Variants in PXDNL observed in about 807,000 individuals in gnomAD.
The protein encoded by PXDNL is peroxidasin like.
A neutral mutation model predicts 150.8 loss-of-function variants in PXDNL; 145 were observed. The ratio of observed to expected loss-of-function variants is 0.96; its 90% CI spans 0.84 to 1.10. PXDNL has a LOEUF of 1.10. PXDNL is among the 50% of genes least tolerant of loss of function. The probability of loss-of-function intolerance (pLI) is 0.00; values close to 1 mark genes in which losing one functional copy is unlikely to be tolerated. For synonymous variants in PXDNL, 757 were observed against 725.7 expected, an observed-to-expected ratio of 1.04 and a Z score of -0.69; for missense variants, 2,087 against 1,873.9, an observed-to-expected ratio of 1.11 and a Z score of -2.10.
At chr8:51,329,909 C>G (rs1026253703) in intron 21 of PXDNL, among the ~76,000 whole-genome samples, 2 of 152,054 alleles carry the variant, frequency 1.3e-5, no homozygotes, top group Admixed American at 6.6e-5. Context: ...GCTGGAGACC[C>G]AGGAATGTCA....
intron 8 of PXDNL, among the ~76,000 whole-genome samples, chr8:51,467,286 GAAC>G (rs1329329530): frequency 2.0e-5 from 3 of 152,024 alleles, no homozygotes; most frequent in African/African-American, 7.2e-5. Flanking sequence ...ACTAATGCAG[GAAC>G]AACAACGACA....
chr8:51,787,864 G>C (rs2037475009), intron 1 of PXDNL, among the ~76,000 whole-genome samples: 1 of 152,282 alleles, frequency 6.6e-6, no homozygotes, highest in South Asian at 2.1e-4. Context: ...CATTAATGCA[G>C]GAAACTTCCT....
chr8:51,445,773 T>G (rs551736805), intron 12 of PXDNL, among the ~76,000 whole-genome samples: 42 of 152,336 alleles, frequency 2.8e-4, no homozygotes, highest in African/African-American at 9.9e-4. Flanking sequence ...CACCTAATTT[T>G]TGGATTTTAG....
chr8:51,550,741 C>T (rs951646416), intron 4 of PXDNL, among the ~76,000 whole-genome samples: 4 of 151,598 alleles, frequency 2.6e-5, no homozygotes, highest in Admixed American at 6.6e-5. Flanking sequence ...AAAGCACTAC[C>T]CCTGAGAACT....
intron 17 of PXDNL, among the ~76,000 whole-genome samples, chr8:51,375,900 C>T (rs1052930822): frequency 1.3e-5 from 2 of 152,194 alleles, no homozygotes; most frequent in African/African-American, 4.8e-5. Context: ...AACATATAAA[C>T]AAACAGACAT....
At chr8:51,414,766 TTC>T (rs1448472121) in intron 14 of PXDNL, among the ~76,000 whole-genome samples, 1 of 152,174 alleles carries the variant, frequency 6.6e-6, no homozygotes, top group Non-Finnish European at 1.5e-5. Flanking sequence ...AGAAATGATA[TTC>T]TGTTTCATAC....
intron 19 of PXDNL, among the ~76,000 whole-genome samples, chr8:51,350,362 T>TTTTTTTTTTTTTTC: frequency 7.0e-6 from 1 of 142,224 alleles, no homozygotes; most frequent in Non-Finnish European, 1.5e-5. Context: ...TTCTTTTTTT[T>TTTTTTTTTTTTTTC]TTTTTTTTTT....
intron 4 of PXDNL, among the ~76,000 whole-genome samples, chr8:51,519,232 C>A (rs1811606694): frequency 6.6e-6 from 1 of 152,028 alleles, no homozygotes; most frequent in Admixed American, 6.5e-5. Flanking sequence ...TATCTAAGTA[C>A]AAGAGTGATC....
chr8:51,763,304 C>T (rs1490023288), intron 1 of PXDNL, among the ~76,000 whole-genome samples: 1 of 149,372 alleles, frequency 6.7e-6, no homozygotes, highest in Non-Finnish European at 1.5e-5. Flanking sequence ...CACATGTACC[C>T]TAGAACTTAA....
intron 8 of PXDNL, among the ~76,000 whole-genome samples, chr8:51,469,426 T>C (rs980024644): frequency 3.3e-5 from 5 of 152,230 alleles, no homozygotes; most frequent in Admixed American, 2.6e-4. Context: ...GCTCATTCTT[T>C]CCTACCTGTC....
intron 16 of PXDNL, 24 bp downstream of exon 16, chr8:51,411,226 G>C (rs766772968): frequency 1.4e-6 from 2 of 1,415,440 alleles, no homozygotes. Flanking sequence ...AGTAGGCTGA[G>C]AATAAAATGG....
At chr8:51,718,353 G>T (rs1456356749) in intron 1 of PXDNL, among the ~76,000 whole-genome samples, 1 of 152,188 alleles carries the variant, frequency 6.6e-6, no homozygotes. Flanking sequence ...ACCCTTTAGT[G>T]AGTGGCAAGG....
chr8:51,599,044 T>G (rs1758034290), intron 2 of PXDNL, among the ~76,000 whole-genome samples: 1 of 152,174 alleles, frequency 6.6e-6, no homozygotes, highest in Non-Finnish European at 1.5e-5. Context: ...TAACAGTCTC[T>G]GAGGATCTTT....
In PXDNL at chr8:51,455,002, G is replaced by C. The variant is rs1018910588; in HGVS notation, c.983-1217C>G. 7.3e-5 allele frequency among the ~76,000 whole-genome samples: 7 copies of C among 96,104 alleles called. 1 individual carries two copies. Among genetic ancestry groups the C allele is most frequent in the East Asian group, 4.4e-4 (2 of 4,542 alleles). The allele number at this position is 96,104 out of a possible 152,430, so 63.0% of individuals were successfully genotyped here. ...CGGGCGCCTGTAGTCCCAGCTACTC[G>C]GGAGGCTGAGGCAGGAGAATGGCGT... On this transcript the variant is annotated intron_variant, in intron 9 of 22. Coordinates refer to ENST00000356297, the MANE Select transcript of PXDNL (RefSeq NM_144651.5).
intron 4 of PXDNL, among the ~76,000 whole-genome samples, chr8:51,523,035 G>C (rs1811694731): frequency 6.6e-6 from 1 of 152,152 alleles, no homozygotes; most frequent in Admixed American, 6.5e-5. Context: ...TTCACCAAAA[G>C]AGAAAGATAA....
chr8:51,662,486 G>A (rs1418754180), intron 1 of PXDNL, among the ~76,000 whole-genome samples: 1 of 152,090 alleles, frequency 6.6e-6, no homozygotes. Flanking sequence ...ACTCTAGCCT[G>A]GGTGAAAGAG....
At chr8:51,438,532 G>A (rs1361662795) in intron 12 of PXDNL, among the ~76,000 whole-genome samples, 1 of 152,148 alleles carries the variant, frequency 6.6e-6, no homozygotes, top group Non-Finnish European at 1.5e-5. Context: ...TGGCTAACAT[G>A]GTGAAACCCT....
intron 4 of PXDNL, among the ~76,000 whole-genome samples, chr8:51,547,302 T>C (rs1812381552): frequency 2.0e-5 from 3 of 151,978 alleles, no homozygotes; most frequent in Non-Finnish European, 4.4e-5. Context: ...CAACAGCAAA[T>C]TTCACCAGCT....
At chr8:51,681,309 T>G (rs1815746510) in intron 1 of PXDNL, among the ~76,000 whole-genome samples, 2 of 152,180 alleles carry the variant, frequency 1.3e-5, no homozygotes, top group South Asian at 4.1e-4. Context: ...CATCGTTGTT[T>G]TACCTCTTAT....
Sources: gnomAD v4.1 joint callset for allele counts (sites outside exome capture counted in the v4.1 genomes callset) on GRCh38, gnomAD v4.1.1 for gene constraint, MANE v1.5 for transcripts, NCBI Gene and HGNC (gene_info 2026-07-23, HGNC 2026-07-21) for gene names.